RASGRP1: variants seen among roughly 807,000 people sequenced by gnomAD.
RASGRP1 encodes the protein RAS guanyl releasing protein 1, also known as RAS guanyl-releasing protein 1.
Under a neutral mutation model 95.1 loss-of-function variants are expected in RASGRP1, and 37 were observed. That is an observed-to-expected ratio of 0.39 (90% CI 0.30 to 0.51). The LOEUF is 0.51. Ranked by LOEUF, RASGRP1 falls within the 20% of genes least tolerant of loss-of-function variation. RASGRP1 has a pLI of 0.80. For synonymous variants in RASGRP1, 325 were observed against 353.4 expected, an observed-to-expected ratio of 0.92 and a Z score of 0.90; for missense variants, 711 against 965.4, an observed-to-expected ratio of 0.74 and a Z score of 3.49.
At chr15:38,519,814 A>T (rs993879085) in intron 3 of RASGRP1, among the ~76,000 whole-genome samples, 3 of 150,268 alleles carry the variant, frequency 2.0e-5, no homozygotes, top group East Asian at 4.0e-4. Context: ...TAACTGATAC[A>T]CATGTATGCA....
chr15:38,525,301 A>G (rs927296402), intron 3 of RASGRP1, among the ~76,000 whole-genome samples: 1 of 152,118 alleles, frequency 6.6e-6, no homozygotes, highest in African/African-American at 2.4e-5. Context: ...AGGCCAACAA[A>G]TAAGTTTTTA....
chr15:38,533,304 A>G (rs1414598151), intron 2 of RASGRP1, among the ~76,000 whole-genome samples: 4 of 152,180 alleles, frequency 2.6e-5, no homozygotes, highest in Non-Finnish European at 4.4e-5. Context: ...TGAGGTTGAT[A>G]ATGGAGGTCA....
At chr15:38,532,597 T>C (rs1426519701) in intron 2 of RASGRP1, among the ~76,000 whole-genome samples, 1 of 152,206 alleles carries the variant, frequency 6.6e-6, no homozygotes, top group Non-Finnish European at 1.5e-5. Flanking sequence ...TCTATCCAAA[T>C]GCATTATTCC....
Position 38,516,210 on chromosome 15 carries a change from A to C in RASGRP1, c.662T>G (p.Phe221Cys). 1 of 1,596,900 alleles carries C rather than the reference A, an allele frequency of 6.3e-7. No individual in the cohort carries two copies. The highest frequency in any genetic ancestry group is 1.1e-5 in the South Asian group (1 of 90,678). The part of the protein sequence containing the change: ...EHLTYLEFKS[F>C]RRISFSDYQN... ...TTGCATACATACCGATATCCTCCGG[A>C]AAGACTTGAACTCAAGGTAGGTGAG... Residue 221 changes from phenylalanine to cysteine, a missense_variant, in exon 6 of 17, where the codon TTC (phenylalanine) becomes TGC (cysteine). Phe to Cys is a radical substitution (Grantham distance 205). Around this residue, in one of 3 missense-constraint regions of RASGRP1, gnomAD observed 491 missense variants for 676.6 expected, o/e 0.73. Coordinates refer to ENST00000310803, the MANE Select transcript of RASGRP1 (RefSeq NM_005739.4).
At chr15:38,494,261 TTTTTTG>T in intron 16 of RASGRP1, 115 bp downstream of exon 16, 6 of 1,317,196 alleles carry the variant, frequency 4.6e-6, no homozygotes, top group Non-Finnish European at 6.3e-6. Context: ...CCCCTCCTCC[TTTTTTG>T]TTTTAGACTG....
intron 2 of RASGRP1, among the ~76,000 whole-genome samples, chr15:38,526,840 A>G (rs1039694666): frequency 1.3e-5 from 2 of 152,214 alleles, no homozygotes; most frequent in Non-Finnish European, 2.9e-5. Context: ...ACAAAAACAA[A>G]TGACCATATG....
intron 2 of RASGRP1, among the ~76,000 whole-genome samples, chr15:38,529,832 G>A (rs748334717): frequency 1.7e-4 from 26 of 152,126 alleles, no homozygotes; most frequent in Admixed American, 1.4e-3. Flanking sequence ...TATTTCATTC[G>A]TGAAATGTAA....
intron 3 of RASGRP1, among the ~76,000 whole-genome samples, chr15:38,524,947 A>T (rs1228112253): frequency 6.8e-6 from 1 of 148,054 alleles, no homozygotes; most frequent in African/African-American, 2.5e-5. Flanking sequence ...TAAGGGCAGG[A>T]ACCCCGAGGT....
intron 2 of RASGRP1, among the ~76,000 whole-genome samples, chr15:38,532,296 A>G (rs906380923): frequency 6.6e-6 from 1 of 152,236 alleles, no homozygotes; most frequent in African/African-American, 2.4e-5. Context: ...ACTTACAGGA[A>G]AAGACTTCTT....
rs1268440455 is a variant in RASGRP1, at chr15:38,542,913, ATATG to A, written c.221-16513_221-16510del. The stretch of plus-strand genomic sequence containing the variant: ...TATATGTGTATATATATACACATAT[ATATG>A]TGTGTATATATATGTGTGTGTATAT... On this transcript the variant is annotated intron_variant, in intron 2 of 16. Coordinates refer to ENST00000310803, the MANE Select transcript of RASGRP1 (RefSeq NM_005739.4). Among the ~76,000 whole-genome samples the A allele has an allele frequency of 9.6e-4, 110 of 114,992 alleles. 1 individual carries two copies. Among genetic ancestry groups the A allele is most frequent in the African/African-American group, 3.2e-3 (99 of 31,198 alleles). 75.4% of individuals were successfully genotyped at this position (114,992 alleles called of 152,430 possible). A position where few individuals can be genotyped will look rare whatever the true frequency, so the allele number is the denominator to read the frequency against.
At chr15:38,543,562 T>A (rs1167238187) in intron 2 of RASGRP1, among the ~76,000 whole-genome samples, 2 of 128,790 alleles carry the variant, frequency 1.6e-5, no homozygotes, top group Non-Finnish European at 3.2e-5. Flanking sequence ...AACTCTAGTC[T>A]TTTTTTTTTT....
chr15:38,507,908 T>C lies in RASGRP1; in HGVS notation c.1060A>G (p.Ile354Val), dbSNP rs1891327375. ...YGECTDFKIP[I>V]LGVHLKDLIS... The stretch of plus-strand genomic sequence containing the variant: ...AGGTCCTTGAGATGCACACCCAGAA[T>C]GGGGATCTTGAAGTCGGTGCACTCT... The change falls in exon 9 of 17, where the codon ATT (isoleucine) becomes GTT (valine). Residue 354 changes from isoleucine to valine, a missense_variant. Ile to Val is a conservative substitution (Grantham distance 29). Transcript: ENST00000310803. 2 of 1,613,294 alleles carry C rather than the reference T, an allele frequency of 1.2e-6. No homozygotes were observed. The highest frequency in any genetic ancestry group is 1.7e-6 in the Non-Finnish European group (2 of 1,179,754).
chr15:38,528,500 C>T (rs1396275258), intron 2 of RASGRP1, among the ~76,000 whole-genome samples: 1 of 152,154 alleles, frequency 6.6e-6, no homozygotes, highest in Non-Finnish European at 1.5e-5. Context: ...TTCAACCCAA[C>T]ACAACCCAAG....
At chr15:38,505,284 C>T (rs985760084) in intron 10 of RASGRP1, among the ~76,000 whole-genome samples, 1 of 152,210 alleles carries the variant, frequency 6.6e-6, no homozygotes, top group African/African-American at 2.4e-5. Context: ...GGACTGTGTA[C>T]TATTTTGAGG....
chr15:38,540,934 C>G (rs186418044), intron 2 of RASGRP1, among the ~76,000 whole-genome samples: 1 of 152,262 alleles, frequency 6.6e-6, no homozygotes, highest in East Asian at 1.9e-4. Flanking sequence ...TCCTTAGGAC[C>G]TAACAGGCTG....
At chr15:38,549,206 T>C (rs949625717) in intron 2 of RASGRP1, among the ~76,000 whole-genome samples, 1 of 152,150 alleles carries the variant, frequency 6.6e-6, no homozygotes, top group Non-Finnish European at 1.5e-5. Context: ...GAAGTAAATA[T>C]GGAATCCAAT....
Position 38,559,875 on chromosome 15 carries a change from A to C in RASGRP1, c.166T>G (p.Leu56Val), listed in dbSNP as rs762906072. ...QFRMMVSLGHLAKGASLDDLI... is the reference protein window; with the variant it reads ...QFRMMVSLGHVAKGASLDDLI... ...TCGTCCAGGCTGGCTCCTTTGGCTA[A>C]ATGTCCCAGAGACACCATCATTCGG... Residue 56 changes from leucine (L) to valine (V), a missense_variant, in exon 2 of 17, where the codon TTA (leucine) becomes GTA (valine). Around this residue, in one of 3 missense-constraint regions of RASGRP1, gnomAD observed 491 missense variants for 676.6 expected, o/e 0.73. Coordinates refer to ENST00000310803, the MANE Select transcript of RASGRP1 (RefSeq NM_005739.4). The C allele has an allele frequency of 6.2e-7, 1 of 1,614,014 alleles. No homozygotes were observed. The highest frequency in any genetic ancestry group is 2.2e-5 in the East Asian group (1 of 44,876).
intron 2 of RASGRP1, among the ~76,000 whole-genome samples, chr15:38,559,091 ATTT>A (rs1007884817): frequency 6.6e-6 from 1 of 152,202 alleles, no homozygotes; most frequent in African/African-American, 2.4e-5. Context: ...AATTTTAATC[ATTT>A]TTTGGGAGGA....
At position 38,543,117 on chromosome 15, in the gene RASGRP1, C is replaced by A. The variant is rs532903777; in HGVS notation, c.220+16704G>T. On this transcript the variant is annotated intron_variant, in intron 2 of 16. Transcript: ENST00000310803. ...AAAAAATACTCTAAGTTTGCAAAAA[C>A]ATTGTCCTAAATTTCCTTCTAGAAG... 7.5e-3 allele frequency among the ~76,000 whole-genome samples: 1,146 copies of A among 151,846 alleles called. 16 individuals are homozygous for A. Among genetic ancestry groups the A allele is most frequent in the African/African-American group, 0.026 (1,073 of 41,462 alleles).
Sources: gnomAD v4.1 joint callset for allele counts (sites outside exome capture counted in the v4.1 genomes callset) on GRCh38, gnomAD v4.1.1 for gene constraint, gnomAD v4.1.1 regional missense constraint, MANE v1.5 for transcripts, NCBI Gene and HGNC (gene_info 2026-07-23, HGNC 2026-07-21) for gene names.